Variants in MTNAP1 observed in about 807,000 individuals in gnomAD.
The protein encoded by MTNAP1 is mitochondrial nucleoid-associated protein 1.
At chr17:73,248,475 G>T in the MTNAP1 span, 8 of 1,551,126 alleles carry the variant, frequency 5.2e-6, no homozygotes, top group African/African-American at 8.2e-5. Flanking sequence ...GGAGTGCCCC[G>T]CTAGGTAAGA....
chr17:73,246,698 C>T, the MTNAP1 span, among the ~76,000 whole-genome samples: 1 of 152,198 alleles, frequency 6.6e-6, no homozygotes, highest in Non-Finnish European at 1.5e-5. Context: ...TAATTTAATT[C>T]TGCAACAAAT....
chr17:73,237,107 C>T, the MTNAP1 span: 6 of 1,100,054 alleles, frequency 5.5e-6, no homozygotes, highest in African/African-American at 1.6e-5. Context: ...TTTATTTTCA[C>T]CTAGGCATGC....
At chr17:73,236,492 C>T in the MTNAP1 span, 114 of 1,614,144 alleles carry the variant, frequency 7.1e-5, no homozygotes, top group African/African-American at 8.9e-4. Context: ...AACTTCAACA[C>T]CAGGGATTCA....
the MTNAP1 span, chr17:73,242,980 G>A: frequency 6.2e-7 from 1 of 1,613,442 alleles, no homozygotes; most frequent in Middle Eastern, 1.7e-4. Context: ...GTCCTGTGTT[G>A]TAGCTGGAGT....
At chr17:73,246,271 C>T in the MTNAP1 span, among the ~76,000 whole-genome samples, 5 of 152,156 alleles carry the variant, frequency 3.3e-5, no homozygotes, top group African/African-American at 4.8e-5. Context: ...CGGTGGCTCA[C>T]GCCTGTAATC....
chr17:73,246,193 A>C, the MTNAP1 span, among the ~76,000 whole-genome samples: 1 of 152,188 alleles, frequency 6.6e-6, no homozygotes, highest in South Asian at 2.1e-4. Context: ...TGGTGTCCTC[A>C]TGCCAAAATA....
chr17:73,246,015 T>C, the MTNAP1 span, among the ~76,000 whole-genome samples: 6 of 152,316 alleles, frequency 3.9e-5, no homozygotes, highest in Admixed American at 1.3e-4. Context: ...GTCTGATTTT[T>C]TGACTTCTGC....
the MTNAP1 span, chr17:73,247,167 A>G: frequency 7.4e-7 from 1 of 1,349,086 alleles, no homozygotes; most frequent in South Asian, 1.2e-5. Context: ...ACACAACAAC[A>G]GCAAAGTCGA....
the MTNAP1 span, among the ~76,000 whole-genome samples, chr17:73,238,339 T>G: frequency 6.6e-6 from 1 of 152,152 alleles, no homozygotes; most frequent in African/African-American, 2.4e-5. Flanking sequence ...TCATGCTTAT[T>G]TTGACAGGAG....
At chr17:73,236,979 G>A in the MTNAP1 span, 15,891 of 1,574,876 alleles carry the variant, frequency 0.01, 125 homozygotes, top group Middle Eastern at 0.018. Context: ...GTCCCCAGGG[G>A]GAAAGACTCT....
chr17:73,246,660 C>G, the MTNAP1 span, among the ~76,000 whole-genome samples: 1 of 152,192 alleles, frequency 6.6e-6, no homozygotes, highest in Admixed American at 6.5e-5. Context: ...ATTCCCAATC[C>G]CCTGCTCCTT....
At chr17:73,245,076 A>G in the MTNAP1 span, 2 of 1,241,212 alleles carry the variant, frequency 1.6e-6, no homozygotes, top group Non-Finnish European at 1.2e-6. Flanking sequence ...AACTTATAAA[A>G]CAAAAAGAGA....
chr17:73,236,109 T>C, the MTNAP1 span: 1 of 1,614,154 alleles, frequency 6.2e-7, no homozygotes, highest in Non-Finnish European at 8.5e-7. Context: ...TGGACAAAAT[T>C]GATCCCCAAA....
At chr17:73,248,209 C>T in the MTNAP1 span, 61 of 412,348 alleles carry the variant, frequency 1.5e-4, no homozygotes, top group Non-Finnish European at 2.4e-4. Context: ...TGTATGTGAT[C>T]ACCAGATTAA....
the MTNAP1 span, chr17:73,247,525 T>A: frequency 1.8e-6 from 1 of 568,912 alleles, no homozygotes; most frequent in South Asian, 2.2e-5. Flanking sequence ...TCACTTGTCA[T>A]AATCAGGGTG....
chr17:73,243,158 G>T, the MTNAP1 span: 1 of 705,338 alleles, frequency 1.4e-6, no homozygotes, highest in East Asian at 2.8e-5. Flanking sequence ...GGGGTTTCTG[G>T]GTTTTATTTT....
the MTNAP1 span, among the ~76,000 whole-genome samples, chr17:73,233,533 G>A: frequency 2.0e-5 from 3 of 152,234 alleles, no homozygotes; most frequent in East Asian, 5.8e-4. Flanking sequence ...CTGTTAGTGT[G>A]TACCTCCAAA....
the MTNAP1 span, chr17:73,245,143 T>G: frequency 6.2e-7 from 1 of 1,612,998 alleles, no homozygotes; most frequent in African/African-American, 1.3e-5. Context: ...CTCGGATCCT[T>G]ACATTTGTCT....
At chr17:73,238,129 A>G in the MTNAP1 span, among the ~76,000 whole-genome samples, 3 of 152,286 alleles carry the variant, frequency 2.0e-5, no homozygotes, top group Non-Finnish European at 4.4e-5. Flanking sequence ...ACCAAGGCCC[A>G]AGGAGCCAGG....
Sources: gnomAD v4.1 joint callset for allele counts (sites outside exome capture counted in the v4.1 genomes callset) on GRCh38, gnomAD v4.1.1 for gene constraint, MANE v1.5 for transcripts, NCBI Gene and HGNC (gene_info 2026-07-23, HGNC 2026-07-21) for gene names.